NTM: variants seen among roughly 807,000 people sequenced by gnomAD.
The protein encoded by NTM is neurotrimin.
Under a neutral mutation model 42.1 loss-of-function variants are expected in NTM, and 13 were observed. The ratio of observed to expected loss-of-function variants is 0.31; its 90% CI spans 0.20 to 0.49. NTM has a LOEUF of 0.49. NTM is among the 20% of genes least tolerant of loss of function. NTM has a pLI of 0.99. For synonymous variants in NTM, 187 were observed against 179.2 expected (o/e 1.04, Z -0.35); for missense variants, 373 against 452.8 (o/e 0.82, Z 1.60).
intron 2 of NTM, among the ~76,000 whole-genome samples, chr11:132,008,054 G>A (rs1004067982): frequency 6.6e-6 from 1 of 152,140 alleles, no homozygotes; most frequent in African/African-American, 2.4e-5. Flanking sequence ...AGGAATTTGG[G>A]GAAATACACC....
At chr11:132,279,060 C>T (rs966421845) in intron 4 of NTM, among the ~76,000 whole-genome samples, 2 of 152,180 alleles carry the variant, frequency 1.3e-5, no homozygotes, top group African/African-American at 4.8e-5. Context: ...TTTCTTCTGT[C>T]TGCCCCTGAT....
At chr11:131,513,798 G>A (rs1477282992) in intron 1 of NTM, among the ~76,000 whole-genome samples, 5 of 152,202 alleles carry the variant, frequency 3.3e-5, no homozygotes, top group Non-Finnish European at 5.9e-5. Context: ...GTCCCTGGCA[G>A]ACTGAGATTC....
At chr11:132,071,042 A>G (rs1418031754) in intron 2 of NTM, among the ~76,000 whole-genome samples, 3 of 138,504 alleles carry the variant, frequency 2.2e-5, no homozygotes, top group African/African-American at 2.6e-5. Context: ...CACTCAGCCA[A>G]GTTAACACGT....
chr11:131,605,960 A>G, intron 1 of NTM: 1 of 884,822 alleles, frequency 1.1e-6, no homozygotes, highest in African/African-American at 1.8e-5. Flanking sequence ...TTCTTTCACT[A>G]TTCTTTTCTT....
intron 1 of NTM, among the ~76,000 whole-genome samples, chr11:131,587,896 C>A (rs1001703318): frequency 1.3e-5 from 2 of 152,114 alleles, no homozygotes; most frequent in African/African-American, 2.4e-5. Flanking sequence ...AGAGAAAAAC[C>A]AAATCATCAT....
chr11:132,038,476 C>A (rs1022221198), intron 2 of NTM, among the ~76,000 whole-genome samples: 1 of 152,130 alleles, frequency 6.6e-6, no homozygotes, highest in African/African-American at 2.4e-5. Flanking sequence ...CTGGTTCCAC[C>A]TTGGGCAAGT....
chr11:132,082,649 C>T (rs2059231732), intron 2 of NTM, among the ~76,000 whole-genome samples: 1 of 152,134 alleles, frequency 6.6e-6, no homozygotes, highest in Non-Finnish European at 1.5e-5. Flanking sequence ...ATGATTCCCC[C>T]ATGTAAAGAA....
chr11:132,155,413 C>G, intron 3 of NTM, among the ~76,000 whole-genome samples: 1 of 152,150 alleles, frequency 6.6e-6, no homozygotes, highest in East Asian at 1.9e-4. Flanking sequence ...CTTTTTCTGT[C>G]TTCTTTCTAT....
At chr11:131,404,656 A>G (rs1945619251) in intron 1 of NTM, among the ~76,000 whole-genome samples, 1 of 152,072 alleles carries the variant, frequency 6.6e-6, no homozygotes, top group South Asian at 2.1e-4. Flanking sequence ...GTTCATCCAT[A>G]TTTTCATGTC....
chr11:132,187,214 C>CGTGT lies in NTM; in HGVS notation c.401-24778_401-24775dup, dbSNP rs55849086. ...ACTGGAAAGGAGGTTGCTCAGATGG[C>CGTGT]GTGTGTGTGTGTGTGTGTGTGTGTG... On this transcript the variant is annotated intron_variant, in intron 3 of 8. Transcript: ENST00000683400. 1.6e-3 allele frequency among the ~76,000 whole-genome samples: 243 copies of CGTGT among 148,456 alleles called. 1 individual carries two copies. The East Asian group carries it at 0.03, about 19-fold the overall frequency.
At chr11:132,257,090 C>T (rs1470325449) in intron 4 of NTM, among the ~76,000 whole-genome samples, 7 of 152,188 alleles carry the variant, frequency 4.6e-5, no homozygotes, top group East Asian at 1.9e-4. Context: ...AATCAAAGCG[C>T]GCTCTGGCAC....
chr11:131,571,139 G>T lies in NTM; in HGVS notation c.82+200251G>T, dbSNP rs1592086030. Among the ~76,000 whole-genome samples, 3 of 152,358 alleles carry T rather than the reference G, an allele frequency of 2.0e-5. No individual in the cohort carries two copies. In the South Asian group the frequency reaches 6.2e-4, roughly 32 times the overall value. On this transcript the variant is annotated intron_variant, in intron 1 of 8. Transcript: ENST00000683400. ...ATGGGGATAATAGTGGCTCCTCATG[G>T]CATTGCTGTGAGAAGTGCTTCAGAC...
intron 1 of NTM, among the ~76,000 whole-genome samples, chr11:131,695,643 A>C (rs2075354986): frequency 6.6e-6 from 1 of 152,178 alleles, no homozygotes. Flanking sequence ...TGAATAGAGC[A>C]TGTTTAGGAG....
chr11:131,490,948 C>T (rs1032331218), intron 1 of NTM, among the ~76,000 whole-genome samples: 6 of 152,172 alleles, frequency 3.9e-5, no homozygotes, highest in Admixed American at 3.3e-4. Flanking sequence ...GGATGGCTTT[C>T]AGAAATGTGT....
intron 1 of NTM, among the ~76,000 whole-genome samples, chr11:131,717,301 G>A (rs1399225963): frequency 6.6e-6 from 1 of 152,118 alleles, no homozygotes; most frequent in African/African-American, 2.4e-5. Context: ...AAATTGTATT[G>A]AATTTATACA....
At chr11:131,878,641 A>ATATATAT (rs1565667266) in intron 1 of NTM, among the ~76,000 whole-genome samples, 4 of 122,556 alleles carry the variant, frequency 3.3e-5, no homozygotes, top group Non-Finnish European at 6.5e-5. Context: ...ATATATATAT[A>ATATATAT]ATGTCTTATG....
intron 1 of NTM, among the ~76,000 whole-genome samples, chr11:131,557,263 A>C (rs1392180411): frequency 1.3e-5 from 2 of 152,052 alleles, no homozygotes; most frequent in African/African-American, 4.8e-5. Flanking sequence ...TTGTTTTGTG[A>C]GTTGGGTAAG....
In NTM at chr11:131,560,957, G is replaced by A. The variant is rs187008378; in HGVS notation, c.82+190069G>A. Among the ~76,000 whole-genome samples, 24 of 152,010 alleles carry A rather than the reference G, an allele frequency of 1.6e-4. No individual in the cohort carries two copies. In the East Asian group the frequency reaches 3.3e-3, roughly 21 times the overall value. The stretch of plus-strand genomic sequence containing the variant: ...CCCATGCCCCCAGGCTGACCATCCC[G>A]GCTACCTACACATAGGGCAGCAAGA... On this transcript the variant is annotated intron_variant, in intron 1 of 8. Transcript: ENST00000683400.
intron 3 of NTM, among the ~76,000 whole-genome samples, chr11:132,172,934 G>A (rs571234382): frequency 6.6e-6 from 1 of 152,310 alleles, no homozygotes; most frequent in Admixed American, 6.5e-5. Flanking sequence ...AATGTAGGAG[G>A]AAACCAGGCA....
Sources: allele counts gnomAD v4.1 joint callset (sites outside exome capture counted in the v4.1 genomes callset), GRCh38; gene constraint gnomAD v4.1.1; transcripts MANE v1.5; gene names NCBI Gene and HGNC (gene_info 2026-07-23, HGNC 2026-07-21).